Variants in ADAM22 observed in about 807,000 individuals in gnomAD.
The protein encoded by ADAM22 is disintegrin and metalloproteinase domain-containing protein 22.
In ADAM22, 65 loss-of-function variants were observed where a neutral mutation model predicts 144.6. That is an observed-to-expected ratio of 0.45 (90% CI 0.37 to 0.55). The LOEUF is 0.55. Among genes scored for constraint, ADAM22 ranks in the 20% least tolerant of loss-of-function variants. The pLI, the probability that ADAM22 is intolerant of heterozygous loss-of-function variation, is 0.00. For missense variants in ADAM22, 974 were observed against 1,184.9 expected, an observed-to-expected ratio of 0.82 and a Z score of 2.61; for synonymous variants, 391 against 412.6, an observed-to-expected ratio of 0.95 and a Z score of 0.63.
intron 3 of ADAM22, among the ~76,000 whole-genome samples, chr7:88,036,099 A>G (rs1168221842): frequency 1.3e-5 from 2 of 152,220 alleles, no homozygotes; most frequent in Non-Finnish European, 2.9e-5. Context: ...ATAAATGCAA[A>G]TGAAAAATAA....
At chr7:88,002,060 T>C (rs558489568) in intron 3 of ADAM22, among the ~76,000 whole-genome samples, 1 of 152,244 alleles carries the variant, frequency 6.6e-6, no homozygotes, top group Admixed American at 6.5e-5. Context: ...TGCCAAGTAG[T>C]CAAATATGAT....
At chr7:88,083,857 G>A (rs1817675822) in intron 4 of ADAM22, among the ~76,000 whole-genome samples, 2 of 151,938 alleles carry the variant, frequency 1.3e-5, no homozygotes, top group Non-Finnish European at 2.9e-5. Flanking sequence ...CTACAGAAAG[G>A]ACAGGATTCA....
chr7:88,008,443 A>G (rs1421540323), intron 3 of ADAM22, among the ~76,000 whole-genome samples: 4 of 152,038 alleles, frequency 2.6e-5, no homozygotes, highest in African/African-American at 9.7e-5. Flanking sequence ...ATAAAGACAC[A>G]TGCACACATA....
intron 3 of ADAM22, among the ~76,000 whole-genome samples, chr7:88,059,449 G>A (rs1304031099): frequency 1.3e-5 from 2 of 152,208 alleles, no homozygotes; most frequent in Non-Finnish European, 2.9e-5. Context: ...CTACCTTGGA[G>A]AGATTGAGAG....
chr7:88,146,451 A>G lies in ADAM22; in HGVS notation c.1485+944A>G, dbSNP rs913680624. Among the ~76,000 whole-genome samples the G allele has an allele frequency of 3.4e-4, 52 of 152,328 alleles. 1 individual carries two copies. In the Middle Eastern group the frequency reaches 0.014, roughly 40 times the overall value. ...ATCTGAATTTCTCAACTCTGGCACT[A>G]TTGACATTTTTGGCTGGATAATCCT... is the stretch of plus-strand genomic sequence containing the variant. On this transcript the variant is annotated intron_variant, in intron 17 of 31. Coordinates refer to ENST00000413139, the MANE Select transcript of ADAM22 (RefSeq NM_001324418.2).
intron 26 of ADAM22, among the ~76,000 whole-genome samples, chr7:88,178,291 C>T (rs549131430): frequency 2.0e-5 from 3 of 152,060 alleles, no homozygotes; most frequent in African/African-American, 4.8e-5. Flanking sequence ...CCTTTTCTTG[C>T]TCTTGTTAAA....
intron 4 of ADAM22, among the ~76,000 whole-genome samples, chr7:88,097,843 A>T (rs1439794809): frequency 1.3e-5 from 2 of 152,138 alleles, no homozygotes; most frequent in Non-Finnish European, 2.9e-5. Flanking sequence ...AATGCATTTA[A>T]ATTTTATTAT....
chr7:88,050,322 G>A (rs1052378109), intron 3 of ADAM22, among the ~76,000 whole-genome samples: 9 of 151,214 alleles, frequency 6.0e-5, no homozygotes, highest in South Asian at 2.1e-4. Context: ...GAGCCCAGGA[G>A]TTTGAGGCTG....
chr7:88,139,900 T>G (rs989807627), intron 14 of ADAM22, among the ~76,000 whole-genome samples: 2 of 152,182 alleles, frequency 1.3e-5, no homozygotes, highest in South Asian at 4.1e-4. Context: ...TTGTTTTTCA[T>G]TGTTATAAAT....
chr7:88,130,554 T>A, intron 10 of ADAM22, 95 bp downstream of exon 10: 1 of 1,232,774 alleles, frequency 8.1e-7, no homozygotes, highest in Non-Finnish European at 1.1e-6. Context: ...TTTACTGCTC[T>A]ATGTTGCACT....
intron 4 of ADAM22, among the ~76,000 whole-genome samples, chr7:88,091,975 T>C (rs375720624): frequency 6.6e-6 from 1 of 151,306 alleles, no homozygotes; most frequent in East Asian, 1.9e-4. Context: ...TTTTAAAAAC[T>C]ATTTCATTTT....
chr7:88,054,280 A>G (rs151034360), intron 3 of ADAM22, among the ~76,000 whole-genome samples: 1 of 152,328 alleles, frequency 6.6e-6, no homozygotes, highest in East Asian at 1.9e-4. Context: ...TCTCACCAGA[A>G]ACATATGAAA....
chr7:88,189,844 T>G (rs1563432710), intron 30 of ADAM22, among the ~76,000 whole-genome samples: 1 of 152,240 alleles, frequency 6.6e-6, no homozygotes, highest in East Asian at 1.9e-4. Flanking sequence ...CTTGGGAGGC[T>G]GAGGCGGGAG....
intron 27 of ADAM22, among the ~76,000 whole-genome samples, chr7:88,180,804 G>T (rs1287875126): frequency 3.3e-5 from 5 of 152,068 alleles, no homozygotes; most frequent in Admixed American, 6.6e-5. Flanking sequence ...CAAGGTAGGT[G>T]TGTAAATTTT....
intron 3 of ADAM22, among the ~76,000 whole-genome samples, chr7:87,979,150 G>C (rs1852665760): frequency 6.6e-6 from 1 of 152,110 alleles, no homozygotes; most frequent in South Asian, 2.1e-4. Flanking sequence ...TAGTTTTCTG[G>C]AAGCATTTCT....
intron 3 of ADAM22, among the ~76,000 whole-genome samples, chr7:88,023,283 T>C (rs994846916): frequency 2.6e-5 from 4 of 152,140 alleles, no homozygotes; most frequent in African/African-American, 9.7e-5. Context: ...TCTGGGTACA[T>C]AGTAGGTGTA....
At chr7:88,129,734 G>C (rs1831287691) in intron 9 of ADAM22, among the ~76,000 whole-genome samples, 1 of 152,120 alleles carries the variant, frequency 6.6e-6, no homozygotes, top group Non-Finnish European at 1.5e-5. Flanking sequence ...GTGGTGAAAT[G>C]AATGGTGCAT....
chr7:88,165,518 T>G (rs1369441721), intron 23 of ADAM22, among the ~76,000 whole-genome samples: 1 of 152,156 alleles, frequency 6.6e-6, no homozygotes, highest in Non-Finnish European at 1.5e-5. Context: ...TATTTCTGCT[T>G]AGCTTTTTAA....
intron 31 of ADAM22, among the ~76,000 whole-genome samples, chr7:88,195,194 TTGTTTA>T (rs1026670663): frequency 6.6e-6 from 1 of 152,218 alleles, no homozygotes; most frequent in African/African-American, 2.4e-5. Flanking sequence ...TAGGCTTTAT[TTGTTTA>T]TGTTTATAAT....
Sources: gnomAD v4.1 joint callset for allele counts (sites outside exome capture counted in the v4.1 genomes callset) on GRCh38, gnomAD v4.1.1 for gene constraint, MANE v1.5 for transcripts, NCBI Gene and HGNC (gene_info 2026-07-23, HGNC 2026-07-21) for gene names.